Variants in QKI observed in about 807,000 individuals in gnomAD.
QKI encodes KH domain-containing RNA-binding protein QKI.
Under a neutral mutation model 39.0 loss-of-function variants are expected in QKI, and 10 were observed. The observed-to-expected ratio is 0.26, with a 90% CI of 0.16 to 0.43. The LOEUF (loss-of-function observed/expected upper bound fraction) is 0.43, where lower values mean the gene tolerates loss of function less well. Among genes scored for constraint, QKI ranks in the 20% least tolerant of loss-of-function variants. QKI has a pLI of 1.00. For synonymous variants in QKI, 204 were observed against 155.4 expected (o/e 1.31, Z -2.33); for missense variants, 218 against 428.0 (o/e 0.51, Z 4.33).
At chr6:163,523,716 T>A (rs905586033) in intron 3 of QKI, among the ~76,000 whole-genome samples, 1 of 152,220 alleles carries the variant, frequency 6.6e-6, no homozygotes, top group Non-Finnish European at 1.5e-5. Context: ...TAAAAACTGA[T>A]GAAAATATCA....
chr6:163,435,191 G>A (rs559787710), intron 1 of QKI, among the ~76,000 whole-genome samples: 13 of 152,120 alleles, frequency 8.5e-5, no homozygotes, highest in Non-Finnish European at 1.8e-4. Context: ...TGTAAGTTAC[G>A]CAATTGTTAC....
chr6:163,442,560 T>C (rs1057043097), intron 1 of QKI, among the ~76,000 whole-genome samples: 3 of 152,128 alleles, frequency 2.0e-5, no homozygotes, highest in Non-Finnish European at 2.9e-5. Flanking sequence ...ATGATTGTGG[T>C]TAGAGCTGTA....
chr6:163,569,275 A>C lies in QKI; in HGVS notation c.1010-1419A>C, dbSNP rs553326169. The C allele has an allele frequency of 5.9e-6, 6 of 1,010,794 alleles. No individual in the cohort carries two copies. In the East Asian group the frequency reaches 5.2e-4, roughly 88 times the overall value. The allele number at this position is 1,010,794 out of a possible 1,614,324, so 62.6% of individuals were successfully genotyped here. A position where few individuals can be genotyped will look rare whatever the true frequency, so the allele number is the denominator to read the frequency against. ...TTTGTAGTATTTATAAACTGTTCTA[A>C]ATGATAGACTATAGAAAACATTTTT... On this transcript the variant is annotated intron_variant, in intron 7 of 7. Coordinates refer to ENST00000361752, the MANE Select transcript of QKI (RefSeq NM_006775.3).
chr6:163,519,691 A>G (rs1406331899), intron 3 of QKI, among the ~76,000 whole-genome samples: 1 of 152,020 alleles, frequency 6.6e-6, no homozygotes, highest in African/African-American at 2.4e-5. Context: ...GTTTTCAAAA[A>G]GATGTTTTCT....
chr6:163,433,675 G>T (rs188989926), intron 1 of QKI, among the ~76,000 whole-genome samples: 1 of 152,194 alleles, frequency 6.6e-6, no homozygotes, highest in East Asian at 1.9e-4. Context: ...GCTGAGGTGG[G>T]AGAATCGCTT....
chr6:163,429,867 A>T (rs755508838), intron 1 of QKI, among the ~76,000 whole-genome samples: 2 of 152,188 alleles, frequency 1.3e-5, no homozygotes, highest in Non-Finnish European at 2.9e-5. Flanking sequence ...CTAAAGCTTC[A>T]AATTCATTCC....
In QKI at chr6:163,576,050, C is replaced by G. The variant is rs1783958580; in HGVS notation, c.*5340C>G. 1 of 152,140 alleles carries G rather than the reference C, an allele frequency of 6.6e-6. No individual in the cohort carries two copies. Among genetic ancestry groups the G allele is most frequent in the African/African-American group, 2.4e-5 (1 of 41,444 alleles). 9.4% of individuals were successfully genotyped at this position (152,140 alleles called of 1,614,324 possible). On this transcript the variant is annotated 3_prime_UTR_variant, in exon 8 of 8. Coordinates refer to ENST00000361752, the MANE Select transcript of QKI (RefSeq NM_006775.3). ...CCAACTTTTCGAATTCACAATTTTT[C>G]TAAGTGCATAGAGTAGTTTTTTACA...
chr6:163,515,583 T>A (rs1208433770), intron 3 of QKI, among the ~76,000 whole-genome samples: 1 of 152,184 alleles, frequency 6.6e-6, no homozygotes, highest in Admixed American at 6.5e-5. Context: ...TAACACATAC[T>A]ACATCTTGAT....
chr6:163,431,800 TAAAA>T (rs66790166), intron 1 of QKI, among the ~76,000 whole-genome samples: 1 of 127,320 alleles, frequency 7.9e-6, no homozygotes, highest in African/African-American at 3.2e-5. Flanking sequence ...AAGATTTTTG[TAAAA>T]AAAAAAAAAC....
At chr6:163,498,899 T>A (rs1778574354) in intron 3 of QKI, among the ~76,000 whole-genome samples, 1 of 152,166 alleles carries the variant, frequency 6.6e-6, no homozygotes, top group African/African-American at 2.4e-5. Flanking sequence ...TTTTTTTGGA[T>A]TTTGGAATAT....
chr6:163,548,906 A>G (rs188352109), intron 4 of QKI, among the ~76,000 whole-genome samples: 147 of 152,326 alleles, frequency 9.7e-4, no homozygotes, highest in African/African-American at 3.3e-3. Context: ...AAGTGGTAAT[A>G]TAGACTGGAT....
At chr6:163,557,932 T>G (rs1740128602) in intron 4 of QKI, among the ~76,000 whole-genome samples, 1 of 152,192 alleles carries the variant, frequency 6.6e-6, no homozygotes, top group Admixed American at 6.5e-5. Context: ...GGGCAAATAC[T>G]TAGGAAACCA....
intron 4 of QKI, among the ~76,000 whole-genome samples, chr6:163,559,020 T>C (rs1259450204): frequency 6.6e-6 from 1 of 152,226 alleles, no homozygotes; most frequent in Non-Finnish European, 1.5e-5. Flanking sequence ...CCCTGCACAT[T>C]ACACAAGTGT....
chr6:163,449,765 T>C (rs2128217933), intron 1 of QKI, among the ~76,000 whole-genome samples: 1 of 152,306 alleles, frequency 6.6e-6, no homozygotes, highest in Non-Finnish European at 1.5e-5. Flanking sequence ...CTGTATTTGA[T>C]TCTTTGGCTT....
intron 1 of QKI, among the ~76,000 whole-genome samples, chr6:163,450,850 C>G (rs1424142261): frequency 6.6e-6 from 1 of 152,094 alleles, no homozygotes; most frequent in Non-Finnish European, 1.5e-5. Context: ...GATGGCATAA[C>G]CTGTAGATTC....
chr6:163,537,521 TTTAATAGTGAGGTTCA>T (rs1274562343), intron 4 of QKI, among the ~76,000 whole-genome samples: 18 of 152,224 alleles, frequency 1.2e-4, no homozygotes, highest in Middle Eastern at 3.2e-3. Context: ...GAAATGTACC[TTTAATAGTGAGGTTCA>T]TAATTTTGTA....
At chr6:163,546,515 T>C (rs1388180258) in intron 4 of QKI, among the ~76,000 whole-genome samples, 1 of 152,034 alleles carries the variant, frequency 6.6e-6, no homozygotes, top group Admixed American at 6.6e-5. Flanking sequence ...GTAACCATTG[T>C]GACATTTTAA....
chr6:163,441,580 G>T (rs1437037326), intron 1 of QKI, among the ~76,000 whole-genome samples: 1 of 152,180 alleles, frequency 6.6e-6, no homozygotes, highest in Admixed American at 6.5e-5. Flanking sequence ...AATGTATTAG[G>T]AAATATGAAT....
intron 3 of QKI, among the ~76,000 whole-genome samples, chr6:163,504,942 G>C (rs1583116126): frequency 6.6e-6 from 1 of 152,086 alleles, no homozygotes; most frequent in African/African-American, 2.4e-5. Context: ...TAAAAACACT[G>C]CTTACACTTC....
Sources: allele counts gnomAD v4.1 joint callset (sites outside exome capture counted in the v4.1 genomes callset), GRCh38; gene constraint gnomAD v4.1.1; transcripts MANE v1.5; gene names NCBI Gene and HGNC (gene_info 2026-07-23, HGNC 2026-07-21).